The following ITGA2 variants were observed in gnomAD, a reference collection of about 807,000 sequenced individuals.
ITGA2 encodes the protein integrin alpha-2.
ITGA2 carries 101 observed loss-of-function variants against 146.3 expected under a neutral mutation model. The ratio of observed to expected loss-of-function variants is 0.69; its 90% confidence interval spans 0.59 to 0.81. The LOEUF (loss-of-function observed/expected upper bound fraction) is 0.81. Among genes scored for constraint, ITGA2 ranks in the 40% least tolerant of loss-of-function variants. ITGA2 has a pLI of 0.00. For synonymous variants in ITGA2, 477 were observed against 487.1 expected, an observed-to-expected ratio of 0.98 and a Z score of 0.27; for missense variants, 1,281 against 1,402.7, an observed-to-expected ratio of 0.91 and a Z score of 1.39.
intron 1 of ITGA2, among the ~76,000 whole-genome samples, chr5:52,997,572 A>G (rs1741334118): frequency 1.3e-5 from 2 of 152,200 alleles, no homozygotes; most frequent in Admixed American, 1.3e-4. Context: ...CGCCTTGAAC[A>G]TTGGCAGTTG....
intron 1 of ITGA2, among the ~76,000 whole-genome samples, chr5:52,991,868 A>C (rs1186448867): frequency 6.6e-6 from 1 of 152,196 alleles, no homozygotes; most frequent in African/African-American, 2.4e-5. Context: ...TGAGGATGAA[A>C]AAGAGAGAAC....
At position 53,075,084 on chromosome 5, in the gene ITGA2, C is replaced by T. The variant is rs748870892; in HGVS notation, c.2688C>T (p.Asp896=). The stretch of plus-strand genomic sequence containing the variant: ...AGGTGACTTTTACTATTAACTTTGA[C>T]TTCAATCTTCAAAACCTTCAGAATC... ...EQQVTFTINF[D]FNLQNLQNQA... The change falls in exon 22 of 30, where the codon GAC becomes GAT. Residue 896 remains aspartate, a synonymous_variant. Coordinates refer to ENST00000296585, the MANE Select transcript of ITGA2 (RefSeq NM_002203.4). 1 of 1,611,092 alleles carries T rather than the reference C, an allele frequency of 6.2e-7. No individual in the cohort carries two copies. Among genetic ancestry groups the T allele is most frequent in the Non-Finnish European group, 8.5e-7 (1 of 1,178,350 alleles).
At chr5:53,062,752 G>A (rs1461425159) in intron 12 of ITGA2, 34 bp from the exon 13 acceptor site, 3 of 1,602,564 alleles carry the variant, frequency 1.9e-6, no homozygotes, top group African/African-American at 1.3e-5. Context: ...ATGAATCCTA[G>A]GAATTCTAAG....
chr5:53,066,947 A>T (rs1207755911), intron 15 of ITGA2, among the ~76,000 whole-genome samples, 171 bp from the exon 16 acceptor site: 1 of 151,830 alleles, frequency 6.6e-6, no homozygotes, highest in Non-Finnish European at 1.5e-5. Flanking sequence ...AAAAAAAATT[A>T]TCTCTGTCTG....
At chr5:53,036,556 TTTACTTAAATATTACCTTCTC>T (rs1378522025) in intron 2 of ITGA2, among the ~76,000 whole-genome samples, 1 of 152,120 alleles carries the variant, frequency 6.6e-6, no homozygotes, top group Non-Finnish European at 1.5e-5. Flanking sequence ...TCTTCAAGTT[TTTACTTAAATATTACCTTCTC>T]AGTGAGGCCT....
intron 9 of ITGA2, among the ~76,000 whole-genome samples, chr5:53,056,867 G>A (rs577697335): frequency 6.6e-6 from 1 of 151,744 alleles, no homozygotes; most frequent in African/African-American, 2.4e-5. Context: ...GTTCTTGATG[G>A]TTAACCCGAA....
intron 17 of ITGA2, among the ~76,000 whole-genome samples, chr5:53,070,511 G>A (rs969137979): frequency 2.2e-4 from 34 of 151,880 alleles, no homozygotes; most frequent in Admixed American, 1.3e-4. Context: ...AATTCTTAAA[G>A]AAATCATAGA....
chr5:53,063,670 G>A (rs753585674), intron 13 of ITGA2, among the ~76,000 whole-genome samples: 3 of 151,770 alleles, frequency 2.0e-5, no homozygotes, highest in Non-Finnish European at 4.4e-5. Context: ...CTATGTTTAA[G>A]TATTGTGATA....
At chr5:53,021,839 C>T (rs1742696614) in intron 1 of ITGA2, among the ~76,000 whole-genome samples, 1 of 152,156 alleles carries the variant, frequency 6.6e-6, no homozygotes, top group African/African-American at 2.4e-5. Flanking sequence ...GTGTCAAAAC[C>T]ACACCTCTAT....
chr5:53,040,633 C>T (rs1230212143), intron 2 of ITGA2, among the ~76,000 whole-genome samples: 1 of 151,700 alleles, frequency 6.6e-6, no homozygotes, highest in African/African-American at 2.4e-5. Flanking sequence ...ATTATTAGCT[C>T]ATAAGAAGAA....
intron 1 of ITGA2, among the ~76,000 whole-genome samples, chr5:53,013,326 T>A (rs1742235015): frequency 1.3e-5 from 2 of 152,090 alleles, no homozygotes; most frequent in African/African-American, 4.8e-5. Flanking sequence ...GACTAGCCAG[T>A]TATCCCAACA....
At chr5:53,078,005 C>T (rs1745740212) in intron 23 of ITGA2, among the ~76,000 whole-genome samples, 1 of 152,018 alleles carries the variant, frequency 6.6e-6, no homozygotes, top group Non-Finnish European at 1.5e-5. Flanking sequence ...ACCTCAGAGC[C>T]CCAGAAATGA....
At chr5:53,039,676 GT>G (rs1245284854) in intron 2 of ITGA2, among the ~76,000 whole-genome samples, 1 of 138,748 alleles carries the variant, frequency 7.2e-6, no homozygotes, top group Non-Finnish European at 1.5e-5. Flanking sequence ...GGAGGTGGAG[GT>G]TGCAGTGAAC....
intron 16 of ITGA2, among the ~76,000 whole-genome samples, chr5:53,069,876 C>T (rs931874400): frequency 7.2e-5 from 11 of 151,784 alleles, no homozygotes; most frequent in Non-Finnish European, 1.5e-5. Context: ...CTGCTCCCAG[C>T]CACATTTCTC....
chr5:53,029,945 C>T (rs3212430), intron 2 of ITGA2, among the ~76,000 whole-genome samples: 52,020 of 152,078 alleles, frequency 0.34, 9,055 homozygotes, highest in Middle Eastern at 0.39. Context: ...TAGCTGAGGA[C>T]ATCTGGCACC....
chr5:53,026,850 TAAATCC>T lies in ITGA2; in HGVS notation c.171_176del (p.Asn57_Pro58del), dbSNP rs1289249278. On this transcript the variant is annotated inframe_deletion, in exon 2 of 30. Transcript: ENST00000296585. Reference sequence around the variant, plus strand: ...TTTGGCTATGCAGTGCAGCAGTTTATAAATCCAAAAGGCAACTGGTAAGAATATTCT... The same window carrying T: ...TTTGGCTATGCAGTGCAGCAGTTTATAAAAGGCAACTGGTAAGAATATTCT... 6.2e-7 allele frequency: 1 copy of T among 1,613,136 alleles called. No individual in the cohort carries two copies. Among genetic ancestry groups the T allele is most frequent in the Non-Finnish European group, 8.5e-7 (1 of 1,179,278 alleles).
intron 3 of ITGA2, 24 bp from the exon 4 acceptor site, chr5:53,044,977 T>C: frequency 1.3e-6 from 2 of 1,565,368 alleles, no homozygotes; most frequent in Non-Finnish European, 1.8e-6. Flanking sequence ...TAATCACTTT[T>C]AAAAATTGTT....
chr5:53,055,801 A>G lies in ITGA2; in HGVS notation c.930+113A>G, dbSNP rs571423556. 6.7e-5 allele frequency: 91 copies of G among 1,358,344 alleles called. 2 individuals carry two copies. The South Asian group carries it at 1.0e-3, about 15-fold the overall frequency. 84.1% of individuals were successfully genotyped at this position (1,358,344 alleles called of 1,614,324 possible). A position where few individuals can be genotyped will look rare whatever the true frequency, so the allele number is the denominator to read the frequency against. On this transcript the variant is annotated intron_variant, in intron 8 of 29. Coordinates refer to ENST00000296585, the MANE Select transcript of ITGA2 (RefSeq NM_002203.4). ...GGCTGTTCATAGTTGAATATAAAAG[A>G]AAGTTCTTACTCTATCTCTGCTTCT...
chr5:53,070,000 T>C (rs1745316398), intron 16 of ITGA2, 109 bp from the exon 17 acceptor site: 2 of 860,332 alleles, frequency 2.3e-6, no homozygotes, highest in Non-Finnish European at 3.8e-6. Flanking sequence ...ACTATTTCCA[T>C]ATTTTCTTGA....
Sources: allele counts gnomAD v4.1 joint callset (sites outside exome capture counted in the v4.1 genomes callset), GRCh38; gene constraint gnomAD v4.1.1; transcripts MANE v1.5; gene names NCBI Gene and HGNC (gene_info 2026-07-23, HGNC 2026-07-21).